GNA14: variants seen among roughly 807,000 people sequenced by gnomAD.
GNA14 encodes the protein G protein subunit alpha 14, also known as guanine nucleotide-binding protein subunit alpha-14.
In GNA14, 50 loss-of-function variants were observed where a neutral mutation model predicts 42.0. The ratio of observed to expected loss-of-function variants is 1.19; its 90% confidence interval spans 0.95 to 1.51. GNA14 has a LOEUF of 1.51. Among genes scored for constraint, GNA14 ranks in the 40% most tolerant of loss-of-function variants. GNA14 has a pLI of 0.00. For synonymous variants in GNA14, 173 were observed against 163.1 expected (o/e 1.06, Z -0.46); for missense variants, 473 against 446.2 (o/e 1.06, Z -0.54).
intron 2 of GNA14, among the ~76,000 whole-genome samples, chr9:77,463,652 A>T (rs1836158098): frequency 6.6e-6 from 1 of 152,254 alleles, no homozygotes; most frequent in Non-Finnish European, 1.5e-5. Flanking sequence ...AACCAGTATC[A>T]GCAGCAATGA....
intron 1 of GNA14, among the ~76,000 whole-genome samples, chr9:77,537,386 C>T (rs1471681061): frequency 1.3e-5 from 2 of 152,192 alleles, no homozygotes; most frequent in Non-Finnish European, 2.9e-5. Context: ...CCATTTACAT[C>T]CATGTTGCTG....
intron 2 of GNA14, among the ~76,000 whole-genome samples, chr9:77,444,681 C>T (rs546879693): frequency 3.3e-5 from 5 of 152,316 alleles, no homozygotes; most frequent in Middle Eastern, 3.4e-3. Context: ...GCAGCCAACA[C>T]GGTTCAGTCC....
intron 2 of GNA14, among the ~76,000 whole-genome samples, chr9:77,479,475 CT>C (rs1336134530): frequency 2.0e-5 from 3 of 152,128 alleles, no homozygotes; most frequent in African/African-American, 7.2e-5. Flanking sequence ...CAGCTTTGTT[CT>C]TTTGGCTTAG....
chr9:77,579,347 G>A lies in GNA14; in HGVS notation c.125-50094C>T, dbSNP rs1314906783. Among the ~76,000 whole-genome samples, 6 of 152,282 alleles carry A rather than the reference G, an allele frequency of 3.9e-5. No individual in the cohort carries two copies. The East Asian group carries it at 9.7e-4, about 25-fold the overall frequency. On this transcript the variant is annotated intron_variant, in intron 1 of 6. Transcript: ENST00000341700. ...AATGCTCTCTGCAGGGCGCGTATGT[G>A]TAGGGAAGGGGTTGCCTCAAGTCCT...
At chr9:77,580,811 G>C (rs985836842) in intron 1 of GNA14, among the ~76,000 whole-genome samples, 1 of 152,214 alleles carries the variant, frequency 6.6e-6, no homozygotes, top group African/African-American at 2.4e-5. Context: ...AGTTGCACCT[G>C]ATGAGAGAAG....
At chr9:77,551,513 A>ACC (rs11436227) in intron 1 of GNA14, among the ~76,000 whole-genome samples, 7 of 144,712 alleles carry the variant, frequency 4.8e-5, no homozygotes, top group South Asian at 4.5e-4. Context: ...ACACTCACCC[A>ACC]CCCCCCCTTC....
chr9:77,426,248 A>G (rs1835451706), intron 5 of GNA14, among the ~76,000 whole-genome samples: 1 of 151,760 alleles, frequency 6.6e-6, no homozygotes, highest in South Asian at 2.1e-4. Flanking sequence ...CCTGTGCCAC[A>G]CTTTACAAGC....
At chr9:77,580,628 ACCT>A in intron 1 of GNA14, 1 of 402,158 alleles carries the variant, frequency 2.5e-6, no homozygotes, top group East Asian at 5.6e-5. Context: ...ACTTCGGCTG[ACCT>A]CCTCTCAGCC....
At chr9:77,599,817 T>C (rs1254234867) in intron 1 of GNA14, among the ~76,000 whole-genome samples, 1 of 152,154 alleles carries the variant, frequency 6.6e-6, no homozygotes, top group East Asian at 1.9e-4. Context: ...TTTAAGATTA[T>C]AGGTGTCCGT....
chr9:77,504,910 C>A (rs1207666504), intron 2 of GNA14, among the ~76,000 whole-genome samples: 1 of 152,046 alleles, frequency 6.6e-6, no homozygotes, highest in Non-Finnish European at 1.5e-5. Context: ...TCATGATCCA[C>A]CCGCCTCGGC....
intron 1 of GNA14, among the ~76,000 whole-genome samples, chr9:77,540,324 G>A (rs1202020291): frequency 1.3e-5 from 2 of 151,992 alleles, no homozygotes; most frequent in Non-Finnish European, 2.9e-5. Flanking sequence ...ATTCCATTGT[G>A]GTCTGAGAAA....
intron 1 of GNA14, among the ~76,000 whole-genome samples, chr9:77,530,621 A>T (rs1048094203): frequency 1.3e-5 from 2 of 152,214 alleles, no homozygotes; most frequent in Non-Finnish European, 2.9e-5. Context: ...AAGAACTGGG[A>T]TTTACTCAGA....
intron 1 of GNA14, among the ~76,000 whole-genome samples, chr9:77,622,194 T>C (rs1055901911): frequency 6.6e-5 from 10 of 152,214 alleles, no homozygotes; most frequent in African/African-American, 1.9e-4. Flanking sequence ...AATCAGAATA[T>C]GGACAAGCTT....
Position 77,530,108 on chromosome 9 carries a change from T to C in GNA14, c.125-855A>G, listed in dbSNP as rs1837506257. ...CACTTGATGAAATATATGCTATTGCTGATACAGGTCAGACCTGTGTCCCTA... is the reference window on the plus strand; with the variant it reads ...CACTTGATGAAATATATGCTATTGCCGATACAGGTCAGACCTGTGTCCCTA... On this transcript the variant is annotated intron_variant, in intron 1 of 6. Transcript: ENST00000341700. 2.0e-5 allele frequency among the ~76,000 whole-genome samples: 3 copies of C among 152,330 alleles called. No individual in the cohort carries two copies. In the South Asian group the frequency reaches 6.2e-4, roughly 32 times the overall value.
intron 1 of GNA14, among the ~76,000 whole-genome samples, chr9:77,642,724 G>A (rs7850329): frequency 1.4e-4 from 21 of 152,152 alleles, no homozygotes; most frequent in South Asian, 8.3e-4. Context: ...AGCCATGATC[G>A]TGCCATTACA....
At chr9:77,518,223 G>A (rs1204569641) in intron 2 of GNA14, 2 of 152,124 alleles carry the variant, frequency 1.3e-5, no homozygotes, top group African/African-American at 4.8e-5. Flanking sequence ...GGATAAAAAT[G>A]ACAGGGCAGG....
At chr9:77,611,948 G>A (rs562419724) in intron 1 of GNA14, among the ~76,000 whole-genome samples, 12 of 152,100 alleles carry the variant, frequency 7.9e-5, no homozygotes, top group African/African-American at 2.9e-4. Flanking sequence ...AAAATGTAAA[G>A]TACTAAGACC....
At chr9:77,534,515 A>G (rs1466043510) in intron 1 of GNA14, among the ~76,000 whole-genome samples, 1 of 152,232 alleles carries the variant, frequency 6.6e-6, no homozygotes, top group African/African-American at 2.4e-5. Flanking sequence ...CAGGCTGATA[A>G]AGCTTCCCAG....
At chr9:77,533,287 C>G (rs930232392) in intron 1 of GNA14, among the ~76,000 whole-genome samples, 3 of 152,206 alleles carry the variant, frequency 2.0e-5, no homozygotes, top group African/African-American at 7.2e-5. Context: ...TCAAGCAATT[C>G]TCGTGCCTCA....
Sources: allele counts gnomAD v4.1 joint callset (sites outside exome capture counted in the v4.1 genomes callset), GRCh38; gene constraint gnomAD v4.1.1; transcripts MANE v1.5; gene names NCBI Gene and HGNC (gene_info 2026-07-23, HGNC 2026-07-21).